Variants in ASIC2 observed in about 807,000 individuals in gnomAD.
ASIC2 encodes the protein acid sensing ion channel subunit 2, also known as acid-sensing ion channel 2.
In ASIC2, 25 loss-of-function variants were observed where a neutral mutation model predicts 57.3. The ratio of observed to expected loss-of-function variants is 0.44; its 90% CI spans 0.32 to 0.61. The LOEUF (loss-of-function observed/expected upper bound fraction) is 0.61, where lower values mean the gene tolerates loss of function less well. Among genes scored for constraint, ASIC2 ranks in the 20% least tolerant of loss-of-function variants. The probability of loss-of-function intolerance (pLI) is 0.06; values close to 1 mark genes in which losing one functional copy is unlikely to be tolerated. For missense variants in ASIC2, 641 were observed against 738.1 expected (o/e 0.87, Z 1.52); for synonymous variants, 319 against 307.5 (o/e 1.04, Z -0.39).
intron 1 of ASIC2, among the ~76,000 whole-genome samples, chr17:33,508,088 T>C (rs1914319972): frequency 6.6e-6 from 1 of 151,818 alleles, no homozygotes; most frequent in African/African-American, 2.4e-5. Context: ...CTCCTCCCTC[T>C]CCTCCCTTTT....
intron 1 of ASIC2, among the ~76,000 whole-genome samples, chr17:33,581,919 C>T (rs183673917): frequency 1.5e-4 from 23 of 152,232 alleles, no homozygotes; most frequent in Admixed American, 1.0e-3. Context: ...CTTCCCTGAC[C>T]GTAGACCCAG....
chr17:33,501,018 C>T (rs965723693), intron 1 of ASIC2, among the ~76,000 whole-genome samples: 26 of 152,208 alleles, frequency 1.7e-4, no homozygotes, highest in Admixed American at 1.4e-3. Context: ...TGGATGAGAA[C>T]GGGATCCCTG....
intron 1 of ASIC2, among the ~76,000 whole-genome samples, chr17:33,723,822 A>G (rs890281392): frequency 1.3e-5 from 2 of 152,212 alleles, no homozygotes; most frequent in African/African-American, 2.4e-5. Flanking sequence ...ATGCAACCCT[A>G]TCAAGCAGTA....
intron 1 of ASIC2, among the ~76,000 whole-genome samples, chr17:33,714,438 C>T (rs1192177464): frequency 6.6e-6 from 1 of 152,128 alleles, no homozygotes; most frequent in Non-Finnish European, 1.5e-5. Flanking sequence ...CAGACTAGAT[C>T]TCTATGAATG....
At chr17:33,100,630 T>A (rs2092208496) in intron 2 of ASIC2, among the ~76,000 whole-genome samples, 1 of 152,186 alleles carries the variant, frequency 6.6e-6, no homozygotes, top group Non-Finnish European at 1.5e-5. Flanking sequence ...ATATGAAAGT[T>A]GTTGGGTGAA....
intron 1 of ASIC2, among the ~76,000 whole-genome samples, chr17:33,671,325 C>T (rs1907632311): frequency 6.6e-6 from 1 of 151,356 alleles, no homozygotes; most frequent in South Asian, 2.1e-4. Flanking sequence ...GGGTAATAAT[C>T]AGAAAAAAAC....
intron 3 of ASIC2, among the ~76,000 whole-genome samples, chr17:33,081,885 C>T (rs2092114362): frequency 6.6e-6 from 1 of 152,160 alleles, no homozygotes; most frequent in African/African-American, 2.4e-5. Flanking sequence ...CCAACTGGTC[C>T]TGCCAAAGAC....
chr17:33,556,899 C>G (rs1220129854), intron 1 of ASIC2, among the ~76,000 whole-genome samples: 1 of 152,198 alleles, frequency 6.6e-6, no homozygotes, highest in Non-Finnish European at 1.5e-5. Flanking sequence ...AGCAGTAGAA[C>G]ATGTCTTGGT....
chr17:34,093,581 T>TA (rs1910412789), intron 1 of ASIC2, among the ~76,000 whole-genome samples: 1 of 152,236 alleles, frequency 6.6e-6, no homozygotes, highest in Non-Finnish European at 1.5e-5. Context: ...GCATAGGACC[T>TA]GATACACTTT....
intron 1 of ASIC2, among the ~76,000 whole-genome samples, chr17:34,045,333 C>T (rs970622431): frequency 5.9e-5 from 9 of 152,168 alleles, no homozygotes; most frequent in African/African-American, 1.9e-4. Context: ...GGGAACAAGA[C>T]AAGTTCCACA....
At chr17:34,088,389 T>C (rs2142085187) in intron 1 of ASIC2, among the ~76,000 whole-genome samples, 1 of 152,274 alleles carries the variant, frequency 6.6e-6, no homozygotes, top group African/African-American at 2.4e-5. Context: ...GCTGTCTGAT[T>C]GTTCCTCTGG....
chr17:34,008,601 C>G (rs1021557742), intron 1 of ASIC2, among the ~76,000 whole-genome samples: 7 of 152,078 alleles, frequency 4.6e-5, no homozygotes, highest in Admixed American at 2.0e-4. Flanking sequence ...GAGAGAGAGA[C>G]CAATGCTGCA....
intron 1 of ASIC2, among the ~76,000 whole-genome samples, chr17:33,920,895 T>A (rs1243855197): frequency 6.6e-6 from 1 of 152,136 alleles, no homozygotes; most frequent in Non-Finnish European, 1.5e-5. Flanking sequence ...CCAGGGACCC[T>A]GAGGGACCCT....
chr17:33,217,589 G>T (rs1023596494), intron 1 of ASIC2, among the ~76,000 whole-genome samples: 1 of 152,186 alleles, frequency 6.6e-6, no homozygotes, highest in African/African-American at 2.4e-5. Context: ...CTCCCCCGGA[G>T]TAGCACCTTG....
At chr17:33,209,615 C>T (rs1437209504) in intron 1 of ASIC2, among the ~76,000 whole-genome samples, 7 of 152,348 alleles carry the variant, frequency 4.6e-5, no homozygotes, top group South Asian at 2.1e-4. Context: ...AAACTGCCAC[C>T]GCTTAAGAAC....
At chr17:33,856,501 T>TAGAAGTGGTGGTGGTGG in intron 1 of ASIC2, among the ~76,000 whole-genome samples, 1 of 14,074 alleles carries the variant, frequency 7.1e-5, no homozygotes. Flanking sequence ...AATAGTGTTG[T>TAGAAGTGGTGGTGGTGG]CAGTAGTAGT....
rs548449471 is a variant in ASIC2, at chr17:33,493,719, C to T, written c.556-381652G>A. 1.1e-4 allele frequency among the ~76,000 whole-genome samples: 17 copies of T among 152,208 alleles called. 1 individual carries two copies. Among genetic ancestry groups the T allele is most frequent in the South Asian group, 6.2e-4 (3 of 4,818 alleles). On this transcript the variant is annotated intron_variant, in intron 1 of 9. Coordinates refer to the ASIC2 transcript ENST00000359872. ...GTCTGCCCTTGCCTTGCTGGGAACCCGCCATCCTTCCCCCAAGATAGCATT... is the reference window on the plus strand; with the variant it reads ...GTCTGCCCTTGCCTTGCTGGGAACCTGCCATCCTTCCCCCAAGATAGCATT...
At chr17:33,933,648 T>G (rs913726752) in intron 1 of ASIC2, among the ~76,000 whole-genome samples, 3 of 152,136 alleles carry the variant, frequency 2.0e-5, no homozygotes, top group Non-Finnish European at 4.4e-5. Flanking sequence ...GAGGACCAAC[T>G]TAGCAGGGAA....
intron 1 of ASIC2, among the ~76,000 whole-genome samples, chr17:33,537,454 C>CA (rs1567643089): frequency 1.3e-5 from 2 of 152,190 alleles, no homozygotes; most frequent in East Asian, 3.8e-4. Flanking sequence ...CACTTGTTTA[C>CA]AAGTGAAATC....
Sources: allele counts gnomAD v4.1 joint callset (sites outside exome capture counted in the v4.1 genomes callset), GRCh38; gene constraint gnomAD v4.1.1; transcripts MANE v1.5; gene names NCBI Gene and HGNC (gene_info 2026-07-23, HGNC 2026-07-21).